The following CLNK variants were observed in gnomAD, a reference collection of about 807,000 sequenced individuals.
CLNK encodes cytokine dependent hematopoietic cell linker.
Under a neutral mutation model 68.6 loss-of-function variants are expected in CLNK, and 74 were observed. The ratio of observed to expected loss-of-function variants is 1.08; its 90% CI spans 0.89 to 1.31. CLNK has a LOEUF of 1.31. Ranked by LOEUF, CLNK falls within the 50% of genes most tolerant of loss-of-function variation. The pLI is 0.00. For missense variants in CLNK, 553 were observed against 515.3 expected (o/e 1.07, Z -0.71); for synonymous variants, 198 against 172.2 (o/e 1.15, Z -1.17).
intron 2 of CLNK, among the ~76,000 whole-genome samples, chr4:10,630,745 C>G (rs1053851806): frequency 1.3e-5 from 2 of 152,168 alleles, no homozygotes; most frequent in African/African-American, 4.8e-5. Flanking sequence ...ATTTCTTCAG[C>G]AATTATAACA....
At chr4:10,715,629 T>G in the CLNK span, among the ~76,000 whole-genome samples, 2 of 152,222 alleles carry the variant, frequency 1.3e-5, no homozygotes, top group African/African-American at 4.8e-5. Flanking sequence ...TCTTTGTTGT[T>G]TGTTTCTTTA....
chr4:10,710,531 C>T, the CLNK span, among the ~76,000 whole-genome samples: 2 of 152,192 alleles, frequency 1.3e-5, no homozygotes, highest in Middle Eastern at 3.4e-3. Context: ...CACTGTGTGG[C>T]TAGTTTAAAA....
intron 2 of CLNK, among the ~76,000 whole-genome samples, chr4:10,625,208 G>A (rs1722619350): frequency 6.6e-6 from 1 of 152,206 alleles, no homozygotes; most frequent in South Asian, 2.1e-4. Flanking sequence ...CCTGTGGATG[G>A]CTGGCAAGAT....
chr4:10,680,693 T>C (rs888829538), intron 1 of CLNK, among the ~76,000 whole-genome samples: 1 of 152,192 alleles, frequency 6.6e-6, no homozygotes, highest in African/African-American at 2.4e-5. Context: ...GTACTGAATC[T>C]CATTTCTCAC....
the CLNK span, among the ~76,000 whole-genome samples, chr4:10,725,830 G>A: frequency 6.6e-6 from 1 of 151,670 alleles, no homozygotes; most frequent in African/African-American, 2.4e-5. Context: ...CTCCAGCCTG[G>A]GCGACAGAGG....
In CLNK at chr4:10,540,556, C is replaced by T. The variant is rs374871726; in HGVS notation, c.540G>A (p.Pro180=). ...GAGATAAAGGTGGCCTGCTGCTCTC[C>T]GGCTCAGGGGGCAAGGGTTGGTACT... The part of the protein sequence containing the change: ...PKKYQPLPPE[P]ESSRPPLSQR... The change falls in exon 11 of 19, where the codon CCG becomes CCA. Residue 180 remains proline (P), a synonymous_variant. Coordinates refer to ENST00000226951, the MANE Select transcript of CLNK (RefSeq NM_052964.4). 5.8e-4 allele frequency: 932 copies of T among 1,613,870 alleles called. 2 individuals are homozygous for T. In the Middle Eastern group the frequency reaches 0.01, roughly 18 times the overall value.
At chr4:10,564,543 C>A in intron 7 of CLNK, 128 bp downstream of exon 7, 1 of 669,552 alleles carries the variant, frequency 1.5e-6, no homozygotes, top group Non-Finnish European at 2.7e-6. Flanking sequence ...CACCTCCCAT[C>A]CACCTCAGTG....
At chr4:10,554,549 GAA>G (rs111802879) in intron 8 of CLNK, among the ~76,000 whole-genome samples, 1 of 152,022 alleles carries the variant, frequency 6.6e-6, no homozygotes, top group Non-Finnish European at 1.5e-5. Flanking sequence ...TTGGTAGTGA[GAA>G]AAAATACTGT....
Position 10,636,304 on chromosome 4 carries a change from A to T in CLNK, c.11+31555T>A, listed in dbSNP as rs367582384. ...TGAGAACAGACACAGAGAGAACCAC[A>T]CACAGAGCAGGGAACACACGTGAAG... On this transcript the variant is annotated intron_variant, in intron 2 of 18. Transcript: ENST00000226951. Among the ~76,000 whole-genome samples the T allele has an allele frequency of 4.7e-3, 716 of 152,330 alleles. 6 individuals carry two copies. The highest frequency in any genetic ancestry group is 0.016 in the African/African-American group (674 of 41,582).
intron 12 of CLNK, among the ~76,000 whole-genome samples, chr4:10,528,827 A>C (rs1359678692): frequency 1.3e-5 from 2 of 152,210 alleles, no homozygotes; most frequent in Non-Finnish European, 2.9e-5. Context: ...TTGCTCTGAA[A>C]TTTCTATTTT....
intron 2 of CLNK, among the ~76,000 whole-genome samples, chr4:10,656,056 C>G (rs1418273072): frequency 6.6e-6 from 1 of 151,964 alleles, no homozygotes; most frequent in African/African-American, 2.4e-5. Flanking sequence ...ACAAATTAAT[C>G]AATTGCAGGC....
chr4:10,697,890 C>T, the CLNK span, among the ~76,000 whole-genome samples: 130,577 of 152,196 alleles, frequency 0.86, 58,025 homozygotes, highest in East Asian at 1. Context: ...AGAATCATGA[C>T]ATATAATATG....
At chr4:10,719,105 C>G in the CLNK span, among the ~76,000 whole-genome samples, 1 of 151,990 alleles carries the variant, frequency 6.6e-6, no homozygotes, top group South Asian at 2.1e-4. Flanking sequence ...TTTTAAATAA[C>G]ACACAGGAAG....
At chr4:10,710,472 T>C in the CLNK span, among the ~76,000 whole-genome samples, 1 of 152,210 alleles carries the variant, frequency 6.6e-6, no homozygotes, top group Non-Finnish European at 1.5e-5. Flanking sequence ...ATCATAGCCC[T>C]CTCTAATAAT....
At chr4:10,667,025 G>A (rs1210855154) in intron 2 of CLNK, among the ~76,000 whole-genome samples, 2 of 152,162 alleles carry the variant, frequency 1.3e-5, no homozygotes, top group African/African-American at 4.8e-5. Flanking sequence ...CAGAAACCAG[G>A]CAGTCCTCCT....
At chr4:10,724,389 T>C in the CLNK span, among the ~76,000 whole-genome samples, 42 of 152,330 alleles carry the variant, frequency 2.8e-4, no homozygotes, top group Non-Finnish European at 5.4e-4. Context: ...AGAATTTGAA[T>C]CCTTCTCATC....
intron 2 of CLNK, among the ~76,000 whole-genome samples, chr4:10,652,738 T>C (rs1723799169): frequency 6.6e-6 from 1 of 152,264 alleles, no homozygotes; most frequent in African/African-American, 2.4e-5. Context: ...TAAATGTTTT[T>C]AATGCCTGGT....
At chr4:10,715,900 C>T in the CLNK span, among the ~76,000 whole-genome samples, 3 of 152,224 alleles carry the variant, frequency 2.0e-5, no homozygotes, top group East Asian at 3.9e-4. Flanking sequence ...ATTAAGAGCT[C>T]GTAGCTGCTT....
At chr4:10,577,796 T>A (rs957188367) in intron 4 of CLNK, among the ~76,000 whole-genome samples, 13 of 151,422 alleles carry the variant, frequency 8.6e-5, no homozygotes, top group Admixed American at 3.3e-4. Flanking sequence ...AAAAAAAAAA[T>A]AAACGTCTAT....
Sources: allele counts gnomAD v4.1 joint callset (sites outside exome capture counted in the v4.1 genomes callset), GRCh38; gene constraint gnomAD v4.1.1; transcripts MANE v1.5; gene names NCBI Gene and HGNC (gene_info 2026-07-23, HGNC 2026-07-21).